FHIT: variants seen among roughly 807,000 people sequenced by gnomAD.
FHIT encodes the protein bis(5'-adenosyl)-triphosphatase.
In FHIT, 19 loss-of-function variants were observed where a neutral mutation model predicts 17.9. That is an observed-to-expected ratio of 1.06 (90% confidence interval 0.74 to 1.56). The LOEUF is 1.56. FHIT is among the 40% of genes most tolerant of loss of function. The pLI, the probability that FHIT is intolerant of heterozygous loss-of-function variation, is 0.00. For missense variants in FHIT, 248 were observed against 189.2 expected (o/e 1.31, Z -1.82); for synonymous variants, 81 against 69.7 (o/e 1.16, Z -0.81).
chr3:60,074,017 C>T (rs1702897781), intron 5 of FHIT, among the ~76,000 whole-genome samples: 2 of 152,100 alleles, frequency 1.3e-5, no homozygotes, highest in Admixed American at 1.3e-4. Flanking sequence ...TGGCTTAAGA[C>T]ATGTGAATGG....
chr3:60,861,190 T>TATATGATATATATGATATATCATATC (rs1553752304), intron 3 of FHIT, among the ~76,000 whole-genome samples: 3 of 2,986 alleles, frequency 1.0e-3, no homozygotes, highest in Non-Finnish European at 1.2e-3. Context: ...ATATATGATA[T>TATATGATATATATGATATATCATATC]ATATCATATA....
At chr3:61,013,949 C>A (rs1224498892) in intron 3 of FHIT, among the ~76,000 whole-genome samples, 1 of 152,092 alleles carries the variant, frequency 6.6e-6, no homozygotes, top group African/African-American at 2.4e-5. Flanking sequence ...TTCCATGGAC[C>A]TCAGTTTTCT....
rs185872497 is a variant in FHIT, at chr3:61,182,730, G to A, written c.-164+17887C>T. 2.0e-5 allele frequency among the ~76,000 whole-genome samples: 3 copies of A among 152,236 alleles called. No homozygotes were observed. The East Asian group carries it at 5.8e-4, about 29-fold the overall frequency. On this transcript the variant is annotated intron_variant, in intron 2 of 9. Coordinates refer to ENST00000492590, the MANE Select transcript of FHIT (RefSeq NM_002012.4). ...GGCAGGGCCCTGAGAACCTGAAGGA[G>A]CATGTATTCAGGATAGGGGGTATGG...
chr3:60,429,374 C>A (rs1702792499), intron 5 of FHIT, among the ~76,000 whole-genome samples: 1 of 151,890 alleles, frequency 6.6e-6, no homozygotes, highest in Admixed American at 6.6e-5. Context: ...AAGACTGTCC[C>A]AGAAAGGAGC....
intron 5 of FHIT, among the ~76,000 whole-genome samples, chr3:60,077,828 TTA>T (rs1703100134): frequency 6.6e-6 from 1 of 151,594 alleles, no homozygotes; most frequent in East Asian, 1.9e-4. Flanking sequence ...TAAAATTGAA[TTA>T]GAGTTTTTTG....
intron 3 of FHIT, among the ~76,000 whole-genome samples, chr3:60,961,457 G>T (rs527797070): frequency 1.3e-5 from 2 of 152,160 alleles, no homozygotes; most frequent in Admixed American, 1.3e-4. Flanking sequence ...GTCAATTTTG[G>T]CTTTTGTTGC....
At chr3:60,103,076 A>C (rs1433378827) in intron 5 of FHIT, among the ~76,000 whole-genome samples, 1 of 152,192 alleles carries the variant, frequency 6.6e-6, no homozygotes, top group Non-Finnish European at 1.5e-5. Context: ...AATAAAAGCT[A>C]ACACATCACA....
chr3:59,989,956 T>A (rs1709155136), intron 7 of FHIT, among the ~76,000 whole-genome samples: 1 of 151,778 alleles, frequency 6.6e-6, no homozygotes, highest in Non-Finnish European at 1.5e-5. Context: ...GAAGAAAGAG[T>A]CAAGAGACGG....
intron 5 of FHIT, among the ~76,000 whole-genome samples, chr3:60,513,905 G>A (rs535384177): frequency 1.7e-4 from 26 of 152,212 alleles, no homozygotes; most frequent in African/African-American, 5.1e-4. Context: ...GCAGCAGAGC[G>A]GCAGAGCAGA....
intron 8 of FHIT, among the ~76,000 whole-genome samples, chr3:59,805,031 C>T (rs1700142012): frequency 6.6e-6 from 1 of 152,144 alleles, no homozygotes; most frequent in Non-Finnish European, 1.5e-5. Context: ...ATTCTGTTTG[C>T]TTTGTTTCCA....
In FHIT at chr3:60,203,783, T is replaced by C. The variant is rs559853139; in HGVS notation, c.104-189631A>G. 5.9e-5 allele frequency among the ~76,000 whole-genome samples: 9 copies of C among 152,108 alleles called. No individual in the cohort carries two copies. The South Asian group carries it at 6.2e-4, about 11-fold the overall frequency. ...ACAAAAGGCAACACAATTTCACAAA[T>C]AGACAAGAAGGGGACAAAGAAAAAC... On this transcript the variant is annotated intron_variant, in intron 5 of 9. Transcript: ENST00000492590.
chr3:60,114,063 AT>A lies in FHIT; in HGVS notation c.104-99912del, dbSNP rs1559644261. On this transcript the variant is annotated intron_variant, in intron 5 of 9. Coordinates refer to ENST00000492590, the MANE Select transcript of FHIT (RefSeq NM_002012.4). ...TATATATATATATATATATATATATATATATATATAATGTTATATGTATCTT... is the reference window on the plus strand; with the variant it reads ...TATATATATATATATATATATATATAATATATATAATGTTATATGTATCTT... Among the ~76,000 whole-genome samples the A allele has an allele frequency of 1.1e-3, 109 of 99,814 alleles. 6 individuals carry two copies. Among genetic ancestry groups the A allele is most frequent in the African/African-American group, 1.7e-3 (47 of 28,024 alleles). 65.5% of individuals were successfully genotyped at this position (99,814 alleles called of 152,430 possible).
chr3:59,898,266 G>T (rs1420708455), intron 8 of FHIT, among the ~76,000 whole-genome samples: 4 of 152,058 alleles, frequency 2.6e-5, no homozygotes, highest in African/African-American at 9.7e-5. Flanking sequence ...TTTAGACTTG[G>T]GTCCCATTCC....
chr3:60,630,694 G>A (rs1440105552), intron 4 of FHIT, among the ~76,000 whole-genome samples: 3 of 152,050 alleles, frequency 2.0e-5, no homozygotes, highest in Non-Finnish European at 4.4e-5. Context: ...ACTTACAGTT[G>A]AACTTTGCCA....
chr3:60,531,514 G>C (rs1053987149), intron 5 of FHIT, among the ~76,000 whole-genome samples: 17 of 151,946 alleles, frequency 1.1e-4, no homozygotes, highest in African/African-American at 4.1e-4. Context: ...TCCTGACCTC[G>C]TGATCCGCCC....
At chr3:59,988,395 G>C (rs1019397552) in intron 7 of FHIT, among the ~76,000 whole-genome samples, 2 of 152,016 alleles carry the variant, frequency 1.3e-5, no homozygotes, top group African/African-American at 4.8e-5. Context: ...TGGTTTATGT[G>C]TAACATGATC....
chr3:61,219,264 G>C (rs924184048), intron 1 of FHIT, among the ~76,000 whole-genome samples: 5 of 151,904 alleles, frequency 3.3e-5, no homozygotes, highest in Admixed American at 2.0e-4. Flanking sequence ...AACCATACTT[G>C]TTGAATAAAC....
chr3:60,724,605 T>C (rs2041875824), intron 4 of FHIT, among the ~76,000 whole-genome samples: 1 of 151,970 alleles, frequency 6.6e-6, no homozygotes, highest in East Asian at 1.9e-4. Context: ...AACAGAGTTC[T>C]AATTTCTCCA....
rs150744743 is a variant in FHIT, at chr3:60,101,850, C to A, written c.104-87698G>T. ...CACATGGACAATTACGCAAGGCACACTGAGCCACTTCCTTCAGGAATAGGT... is the reference window on the plus strand; with the variant it reads ...CACATGGACAATTACGCAAGGCACAATGAGCCACTTCCTTCAGGAATAGGT... On this transcript the variant is annotated intron_variant, in intron 5 of 9. Coordinates refer to ENST00000492590, the MANE Select transcript of FHIT (RefSeq NM_002012.4). Among the ~76,000 whole-genome samples the A allele has an allele frequency of 4.0e-3, 603 of 152,342 alleles. 3 individuals carry two copies. Among genetic ancestry groups the A allele is most frequent in the African/African-American group, 0.014 (571 of 41,576 alleles).
Sources: gnomAD v4.1 joint callset for allele counts (sites outside exome capture counted in the v4.1 genomes callset) on GRCh38, gnomAD v4.1.1 for gene constraint, MANE v1.5 for transcripts, NCBI Gene and HGNC (gene_info 2026-07-23, HGNC 2026-07-21) for gene names.